Variants in RERG observed in about 807,000 individuals in gnomAD.
The protein encoded by RERG is RAS like estrogen regulated growth inhibitor.
In RERG, 25 loss-of-function variants were observed where a neutral mutation model predicts 23.2. The observed-to-expected ratio is 1.08, with a 90% CI of 0.79 to 1.50. RERG has a LOEUF of 1.50. Among genes scored for constraint, RERG ranks in the 40% most tolerant of loss-of-function variants. The probability of loss-of-function intolerance (pLI) is 0.00; values close to 1 mark genes in which losing one functional copy is unlikely to be tolerated. For synonymous variants in RERG, 81 were observed against 89.1 expected (o/e 0.91, Z 0.51); for missense variants, 253 against 250.1 (o/e 1.01, Z -0.08).
chr12:15,170,585 T>C (rs1447452375), intron 2 of RERG, among the ~76,000 whole-genome samples: 1 of 152,180 alleles, frequency 6.6e-6, no homozygotes, highest in African/African-American at 2.4e-5. Flanking sequence ...GTCTGGAGGA[T>C]AGACTCTGTT....
intron 2 of RERG, among the ~76,000 whole-genome samples, chr12:15,139,624 G>T (rs2136100901): frequency 6.6e-6 from 1 of 152,194 alleles, no homozygotes; most frequent in South Asian, 2.1e-4. Flanking sequence ...TCTGTTCATT[G>T]CTAGTATATA....
At chr12:15,129,640 C>A (rs545479209) in intron 2 of RERG, among the ~76,000 whole-genome samples, 2 of 152,042 alleles carry the variant, frequency 1.3e-5, no homozygotes, top group East Asian at 3.9e-4. Context: ...TTAGGAAGAG[C>A]ATTTCAAGCA....
At chr12:15,125,346 AAGTT>A (rs571176612) in intron 2 of RERG, among the ~76,000 whole-genome samples, 107 of 152,156 alleles carry the variant, frequency 7.0e-4, no homozygotes, top group African/African-American at 2.5e-3. Flanking sequence ...TATAATAAAA[AAGTT>A]AGAAATGTTA....
At chr12:15,209,520 T>TA (rs1429867014) in intron 2 of RERG, among the ~76,000 whole-genome samples, 2 of 151,934 alleles carry the variant, frequency 1.3e-5, no homozygotes, top group Non-Finnish European at 2.9e-5. Flanking sequence ...TTTTTTTTTT[T>TA]AACACTTGAT....
At chr12:15,129,027 G>A (rs1863996539) in intron 2 of RERG, among the ~76,000 whole-genome samples, 1 of 152,106 alleles carries the variant, frequency 6.6e-6, no homozygotes, top group Non-Finnish European at 1.5e-5. Context: ...AAGAAATATG[G>A]GTCATTGTGC....
intron 2 of RERG, among the ~76,000 whole-genome samples, chr12:15,204,737 G>C (rs572625861): frequency 1.3e-5 from 2 of 151,806 alleles, no homozygotes; most frequent in East Asian, 3.9e-4. Context: ...TGAAAAAAAT[G>C]GCTAAAACTT....
chr12:15,109,474 C>A lies in RERG; in HGVS notation c.236G>T (p.Gly79Val). The change falls in exon 5 of 5, where the codon GGC (glycine) becomes GTC (valine). Residue 79 changes from glycine to valine, a missense_variant. By Grantham distance (109) the Gly-to-Val change is moderately radical. Coordinates refer to ENST00000256953, the MANE Select transcript of RERG (RefSeq NM_032918.3). ...AGTAATGTCGTAGACCAGCACAAAG[C>A]CTTCCCCCCATCGCATGTGCCCCTC... ...QREGHMRWGE[G>V]FVLVYDITDR... is the part of the protein sequence containing the mutation. 1.2e-6 allele frequency: 2 copies of A among 1,612,482 alleles called. No homozygotes were observed. The highest frequency in any genetic ancestry group is 1.7e-6 in the Non-Finnish European group (2 of 1,179,062).
chr12:15,167,611 G>C (rs760718638), intron 2 of RERG, among the ~76,000 whole-genome samples: 9 of 152,170 alleles, frequency 5.9e-5, no homozygotes, highest in Non-Finnish European at 1.3e-4. Flanking sequence ...ATGCCAAAAA[G>C]ACAGGCAGTT....
intron 2 of RERG, among the ~76,000 whole-genome samples, chr12:15,187,703 C>T (rs1412400948): frequency 6.6e-6 from 1 of 151,760 alleles, no homozygotes; most frequent in African/African-American, 2.4e-5. Context: ...GAATTACAGG[C>T]ACCCGCCACC....
chr12:15,187,893 CA>C, intron 2 of RERG, among the ~76,000 whole-genome samples: 1 of 152,094 alleles, frequency 6.6e-6, no homozygotes, highest in South Asian at 2.1e-4. Context: ...AGATGAATTA[CA>C]GACTTTATTA....
chr12:15,214,955 T>C (rs1002213838), intron 2 of RERG, among the ~76,000 whole-genome samples: 6 of 152,196 alleles, frequency 3.9e-5, no homozygotes, highest in East Asian at 1.9e-4. Context: ...ACTTTTAAAA[T>C]GTGAGGTGCA....
intron 2 of RERG, among the ~76,000 whole-genome samples, chr12:15,212,978 A>T (rs552034034): frequency 2.0e-5 from 3 of 152,332 alleles, no homozygotes; most frequent in South Asian, 4.1e-4. Context: ...TGTGCCACGG[A>T]AAAAAATATC....
At chr12:15,111,464 A>T (rs774897823) in intron 3 of RERG, 47 bp from the exon 4 acceptor site, 1 of 1,446,628 alleles carries the variant, frequency 6.9e-7, no homozygotes, top group South Asian at 1.2e-5. Context: ...AATAAATGCA[A>T]GATTTAATTT....
chr12:15,161,190 G>GAAAGAAAGA (rs1565524157), intron 2 of RERG, among the ~76,000 whole-genome samples: 18 of 145,442 alleles, frequency 1.2e-4, no homozygotes, highest in Non-Finnish European at 2.6e-4. Flanking sequence ...AAGAAAGAAA[G>GAAAGAAAGA]AAAGAAAGAA....
intron 2 of RERG, 190 bp downstream of exon 2, chr12:15,217,239 A>G (rs1865451752): frequency 3.6e-6 from 2 of 548,636 alleles, no homozygotes; most frequent in East Asian, 6.0e-5. Context: ...TTCAGCATAA[A>G]TAAGCAAAAG....
At chr12:15,122,888 T>C (rs1863860108) in intron 2 of RERG, among the ~76,000 whole-genome samples, 1 of 149,564 alleles carries the variant, frequency 6.7e-6, no homozygotes, top group South Asian at 2.2e-4. Context: ...AATCTCCACC[T>C]TTCGGGTTCA....
intron 2 of RERG, among the ~76,000 whole-genome samples, chr12:15,137,028 G>T (rs757279135): frequency 6.6e-6 from 1 of 151,694 alleles, no homozygotes; most frequent in South Asian, 2.1e-4. Flanking sequence ...TGGCGGATTC[G>T]TCTATTTCTC....
At chr12:15,202,417 G>A (rs1406249138) in intron 2 of RERG, among the ~76,000 whole-genome samples, 8 of 151,740 alleles carry the variant, frequency 5.3e-5, no homozygotes, top group Admixed American at 4.0e-4. Context: ...AAGAATAACT[G>A]TAACTTTATG....
chr12:15,217,431 G>C lies in RERG; in HGVS notation c.59C>G (p.Ser20Ter). The change falls in exon 2 of 5, where the codon TCA (serine) becomes TGA (stop). Residue 20 changes from serine to a stop codon, truncating the protein, a stop_gained and splice_region_variant. Coordinates refer to ENST00000256953, the MANE Select transcript of RERG (RefSeq NM_032918.3). LOFTEE classifies it high-confidence loss of function. Reference sequence around the variant, plus strand: ...AACAACCACAACGAAAATCTTACCTGACTTGCCCACGCCTGCTCTCCCAAA... The same window carrying C: ...AACAACCACAACGAAAATCTTACCTCACTTGCCCACGCCTGCTCTCCCAAA... ...AIFGRAGVGKSALVVRFLTKR... is the reference protein window; with the variant it reads ...AIFGRAGVGK 1 of 1,610,526 alleles carries C rather than the reference G, an allele frequency of 6.2e-7. No homozygotes were observed. Among genetic ancestry groups the C allele is most frequent in the Non-Finnish European group, 8.5e-7 (1 of 1,176,884 alleles).
Sources: allele counts gnomAD v4.1 joint callset (sites outside exome capture counted in the v4.1 genomes callset), GRCh38; gene constraint gnomAD v4.1.1; transcripts MANE v1.5; gene names NCBI Gene and HGNC (gene_info 2026-07-23, HGNC 2026-07-21).